HADH: variants seen among roughly 807,000 people sequenced by gnomAD.
The protein encoded by HADH is hydroxyacyl-CoA dehydrogenase.
HADH carries 24 observed loss-of-function variants against 32.2 expected under a neutral mutation model. The ratio of observed to expected loss-of-function variants is 0.75; its 90% CI spans 0.54 to 1.05. HADH has a LOEUF of 1.05. HADH is among the 50% of genes least tolerant of loss of function. The pLI is 0.00. For missense variants in HADH, 350 were observed against 397.1 expected, an observed-to-expected ratio of 0.88 and a Z score of 1.01; for synonymous variants, 139 against 152.5, an observed-to-expected ratio of 0.91 and a Z score of 0.65.
chr4:108,009,693 G>A (rs1735415164), intron 1 of HADH, 66 bp from the exon 2 acceptor site: 11 of 1,390,176 alleles, frequency 7.9e-6, no homozygotes, highest in Non-Finnish European at 1.1e-5. Flanking sequence ...TTTTGGGGTG[G>A]GGTGTGTGCG....
intron 1 of HADH, among the ~76,000 whole-genome samples, chr4:108,002,949 T>A (rs1295722805): frequency 6.6e-6 from 1 of 152,216 alleles, no homozygotes; most frequent in Non-Finnish European, 1.5e-5. Context: ...GGTCTAAGCA[T>A]GTTAAACACA....
intron 1 of HADH, among the ~76,000 whole-genome samples, chr4:107,992,431 G>C (rs1398955855): frequency 6.6e-6 from 1 of 152,218 alleles, no homozygotes; most frequent in Non-Finnish European, 1.5e-5. Flanking sequence ...CTACCCTGTA[G>C]CATGCAGTTC....
At chr4:107,996,469 A>T (rs948769105) in intron 1 of HADH, among the ~76,000 whole-genome samples, 5 of 151,808 alleles carry the variant, frequency 3.3e-5, no homozygotes, top group African/African-American at 9.7e-5. Context: ...TTACTGAATT[A>T]AAAAAAAACT....
intron 1 of HADH, among the ~76,000 whole-genome samples, chr4:107,999,157 G>A (rs1735041729): frequency 6.6e-6 from 1 of 152,200 alleles, no homozygotes; most frequent in Non-Finnish European, 1.5e-5. Context: ...ATTCACACAT[G>A]TGCCCCTCAC....
At position 108,027,795 on chromosome 4, in the gene HADH, T is replaced by TG; in HGVS notation, c.709+35_709+36insG. On this transcript the variant is annotated intron_variant, in intron 6 of 7. Coordinates refer to ENST00000309522, the MANE Select transcript of HADH (RefSeq NM_005327.7). ...TGACCCAGGCCAGGAGCAGCAGACC[T>TG]CAGCTCCTGGCGCCACTGTCTGGAA... The TG allele has an allele frequency of 1.3e-5, 16 of 1,237,546 alleles. No homozygotes were observed. The highest frequency in any genetic ancestry group is 1.7e-5 in the Non-Finnish European group (14 of 836,348). 76.7% of individuals were successfully genotyped at this position (1,237,546 alleles called of 1,614,324 possible).
chr4:108,019,143 C>T (rs192487995), intron 3 of HADH, among the ~76,000 whole-genome samples: 98 of 152,074 alleles, frequency 6.4e-4, no homozygotes, highest in African/African-American at 2.3e-3. Flanking sequence ...GTCTTTCTTT[C>T]ATTATTTTTT....
intron 2 of HADH, among the ~76,000 whole-genome samples, chr4:108,011,535 A>G (rs1479760322): frequency 2.0e-5 from 3 of 152,196 alleles, no homozygotes; most frequent in African/African-American, 4.8e-5. Context: ...GCCAAACCAT[A>G]TCACTCATTC....
chr4:108,012,297 A>G (rs1409396169), intron 2 of HADH, among the ~76,000 whole-genome samples: 1 of 152,178 alleles, frequency 6.6e-6, no homozygotes, highest in African/African-American at 2.4e-5. Flanking sequence ...TTCAAATAAT[A>G]AATGTCACAG....
chr4:107,991,940 T>C (rs540497887), intron 1 of HADH, among the ~76,000 whole-genome samples: 3 of 152,318 alleles, frequency 2.0e-5, no homozygotes, highest in Admixed American at 6.5e-5. Context: ...AGAAACTAAG[T>C]AGAAAGCGTC....
intron 6 of HADH, 147 bp from the exon 7 acceptor site, chr4:108,033,029 A>G: frequency 1.4e-6 from 1 of 732,558 alleles, no homozygotes; most frequent in Non-Finnish European, 2.5e-6. Context: ...TTTAGAGAGG[A>G]AATCTTACCC....
chr4:108,022,441 G>A (rs1735925527), intron 4 of HADH, among the ~76,000 whole-genome samples: 1 of 152,122 alleles, frequency 6.6e-6, no homozygotes, highest in African/African-American at 2.4e-5. Context: ...GGTCAGGAGG[G>A]CTGCTGGAGC....
At chr4:108,019,461 T>G (rs1735804300) in intron 3 of HADH, 79 bp from the exon 4 acceptor site, 1 of 1,294,454 alleles carries the variant, frequency 7.7e-7, no homozygotes, top group Non-Finnish European at 1.1e-6. Flanking sequence ...GCAGTCACCT[T>G]GTGCATTGCA....
At chr4:108,010,997 C>A (rs62311427) in intron 2 of HADH, among the ~76,000 whole-genome samples, 1 of 151,894 alleles carries the variant, frequency 6.6e-6, no homozygotes, top group Non-Finnish European at 1.5e-5. Flanking sequence ...TACAGGCGCA[C>A]GCCACCACGT....
Position 108,004,112 on chromosome 4 carries a change from G to A in HADH, c.133-5647G>A, listed in dbSNP as rs556046994. Among the ~76,000 whole-genome samples the A allele has an allele frequency of 1.6e-4, 24 of 152,310 alleles. No individual in the cohort carries two copies. In the South Asian group the frequency reaches 4.1e-3, roughly 26 times the overall value. ...GCAGGCAGCTTGAGCTCCCTGTCAC[G>A]TGTAGACAGTGAGAATAATGTGCCT... On this transcript the variant is annotated intron_variant, in intron 1 of 7. Coordinates refer to ENST00000309522, the MANE Select transcript of HADH (RefSeq NM_005327.7).
intron 3 of HADH, among the ~76,000 whole-genome samples, chr4:108,015,688 G>A (rs1204391729): frequency 1.3e-5 from 2 of 152,154 alleles, no homozygotes; most frequent in African/African-American, 2.4e-5. Flanking sequence ...TCCCAGATGC[G>A]TGTAGAATTA....
Position 108,017,300 on chromosome 4 carries a change from G to A in HADH, c.420-2240G>A, listed in dbSNP as rs554219931. On this transcript the variant is annotated intron_variant, in intron 3 of 7. Coordinates refer to ENST00000309522, the MANE Select transcript of HADH (RefSeq NM_005327.7). ...ACACAAATGAAAAGTATGACCAGAC[G>A]CACAGGCAGCCAGATCGAAGTCCTG... Among the ~76,000 whole-genome samples, 55 of 152,220 alleles carry A rather than the reference G, an allele frequency of 3.6e-4. No individual in the cohort carries two copies. In the East Asian group the frequency reaches 5.4e-3, roughly 15 times the overall value.
chr4:107,996,023 C>T (rs937440822), intron 1 of HADH, among the ~76,000 whole-genome samples: 1 of 152,168 alleles, frequency 6.6e-6, no homozygotes, highest in African/African-American at 2.4e-5. Context: ...AGAGCTTGCC[C>T]CTCCTGTTGC....
chr4:108,017,379 A>C (rs4446407), intron 3 of HADH, among the ~76,000 whole-genome samples: 131,867 of 152,074 alleles, frequency 0.87, 58,034 homozygotes, highest in East Asian at 0.97. Flanking sequence ...ATCCCCACCA[A>C]CCCTCTTGTC....
intron 3 of HADH, among the ~76,000 whole-genome samples, chr4:108,017,709 C>G (rs927245556): frequency 1.4e-4 from 21 of 152,080 alleles, no homozygotes; most frequent in African/African-American, 4.3e-4. Flanking sequence ...CATGCGCTAC[C>G]ATGCCCAGCT....
Sources: gnomAD v4.1 joint callset for allele counts (sites outside exome capture counted in the v4.1 genomes callset) on GRCh38, gnomAD v4.1.1 for gene constraint, MANE v1.5 for transcripts, NCBI Gene and HGNC (gene_info 2026-07-23, HGNC 2026-07-21) for gene names.